Variants in CTNNA3 observed in about 807,000 individuals in gnomAD.
The protein encoded by CTNNA3 is catenin alpha-3.
Under a neutral mutation model 95.7 loss-of-function variants are expected in CTNNA3, and 76 were observed. The ratio of observed to expected loss-of-function variants is 0.79; its 90% confidence interval spans 0.66 to 0.96. The LOEUF (loss-of-function observed/expected upper bound fraction) is 0.96, where lower values mean the gene tolerates loss of function less well. Among genes scored for constraint, CTNNA3 ranks in the 40% least tolerant of loss-of-function variants. The pLI, the probability that CTNNA3 is intolerant of heterozygous loss-of-function variation, is 0.00. For synonymous variants in CTNNA3, 431 were observed against 374.4 expected (o/e 1.15, Z -1.74); for missense variants, 1,191 against 1,089.8 (o/e 1.09, Z -1.31).
chr10:66,227,315 T>C (rs1330588214), intron 13 of CTNNA3, among the ~76,000 whole-genome samples: 2 of 152,146 alleles, frequency 1.3e-5, no homozygotes, highest in East Asian at 3.8e-4. Flanking sequence ...AGCTGTGGTT[T>C]TGTCATATGT....
At chr10:66,955,493 C>T (rs1408399232) in intron 7 of CTNNA3, among the ~76,000 whole-genome samples, 2 of 152,036 alleles carry the variant, frequency 1.3e-5, no homozygotes, top group Non-Finnish European at 2.9e-5. Flanking sequence ...TCTAAGAAGT[C>T]GAGGGAGACA....
Position 67,440,606 on chromosome 10 carries a change from C to A in CTNNA3, c.579+81236G>T, listed in dbSNP as rs1378829521. On this transcript the variant is annotated intron_variant, in intron 5 of 17. Transcript: ENST00000433211. ...GGCCACAGGGGGGATTGTGTTACCC[C>A]ATCCCCAGATGCAGGCAGCTCAGCA... 1.1e-4 allele frequency among the ~76,000 whole-genome samples: 17 copies of A among 152,084 alleles called. 1 individual carries two copies. The highest frequency in any genetic ancestry group is 1.1e-3 in the Admixed American group (17 of 15,272).
At chr10:67,700,054 A>C (rs189822684), upstream of CTNNA3, among the ~76,000 whole-genome samples, 1 of 152,228 alleles carries the variant, frequency 6.6e-6, no homozygotes, top group African/African-American at 2.4e-5. Flanking sequence ...ACTGCAAGGC[A>C]GCAGCGAGGC....
chr10:67,034,539 C>T (rs1853926552), intron 7 of CTNNA3, among the ~76,000 whole-genome samples: 1 of 152,078 alleles, frequency 6.6e-6, no homozygotes, highest in Non-Finnish European at 1.5e-5. Flanking sequence ...AATCTCCTAC[C>T]CTCCATTAAC....
At chr10:67,354,150 G>A (rs937882363) in intron 5 of CTNNA3, among the ~76,000 whole-genome samples, 1 of 151,966 alleles carries the variant, frequency 6.6e-6, no homozygotes, top group Non-Finnish European at 1.5e-5. Context: ...CCTGCTTTAA[G>A]AGCTAGTTAA....
At chr10:66,573,806 A>T (rs1842934782) in intron 10 of CTNNA3, among the ~76,000 whole-genome samples, 1 of 152,148 alleles carries the variant, frequency 6.6e-6, no homozygotes, top group South Asian at 2.1e-4. Flanking sequence ...GCAATGGACA[A>T]CACTATTATT....
In CTNNA3 at chr10:66,702,846, C is replaced by CT. The variant is rs994161333; in HGVS notation, c.1281+63417dup. On this transcript the variant is annotated intron_variant, in intron 9 of 17. Coordinates refer to ENST00000433211, the MANE Select transcript of CTNNA3 (RefSeq NM_013266.4). ...CTTGTGCTGTTATAAATGTACAGTG[C>CT]TGTAGTCCTTCAATAAGCCCGTCAC... Among the ~76,000 whole-genome samples, 21 of 151,582 alleles carry CT rather than the reference C, an allele frequency of 1.4e-4. 1 individual carries two copies. Among genetic ancestry groups the CT allele is most frequent in the Admixed American group, 1.2e-3 (18 of 15,192 alleles).
At chr10:66,982,978 C>T (rs879326244) in intron 7 of CTNNA3, among the ~76,000 whole-genome samples, 2 of 152,094 alleles carry the variant, frequency 1.3e-5, no homozygotes, top group Admixed American at 6.6e-5. Flanking sequence ...AAGGCGCCCT[C>T]GGCTCAGGCA....
intron 7 of CTNNA3, among the ~76,000 whole-genome samples, chr10:67,095,569 C>A (rs921931511): frequency 2.6e-5 from 4 of 151,772 alleles, no homozygotes; most frequent in Non-Finnish European, 4.4e-5. Context: ...TGTGTGCACA[C>A]ACACACACAG....
intron 12 of CTNNA3, among the ~76,000 whole-genome samples, chr10:66,304,693 C>T (rs941210996): frequency 2.6e-5 from 4 of 151,952 alleles, no homozygotes; most frequent in Admixed American, 1.3e-4. Flanking sequence ...GAGTATCCGC[C>T]CACACCACTC....
At chr10:66,003,181 T>G (rs1177836183) in intron 15 of CTNNA3, among the ~76,000 whole-genome samples, 1 of 152,232 alleles carries the variant, frequency 6.6e-6, no homozygotes, top group Non-Finnish European at 1.5e-5. Flanking sequence ...TTCTACTTTG[T>G]GCACAATAAT....
intron 16 of CTNNA3, among the ~76,000 whole-genome samples, chr10:65,969,400 A>G (rs55850253): frequency 0.067 from 10,150 of 152,294 alleles, 368 homozygotes; most frequent in South Asian, 0.1. Flanking sequence ...TCAACATACC[A>G]TACTAGTTCT....
At chr10:66,421,220 A>G (rs1206936591) in intron 11 of CTNNA3, among the ~76,000 whole-genome samples, 1 of 152,186 alleles carries the variant, frequency 6.6e-6, no homozygotes, top group South Asian at 2.1e-4. Flanking sequence ...TGATAATGGT[A>G]GAGAGAAGAA....
intron 7 of CTNNA3, among the ~76,000 whole-genome samples, chr10:66,974,424 T>A (rs1208113760): frequency 6.6e-6 from 1 of 152,210 alleles, no homozygotes; most frequent in East Asian, 1.9e-4. Flanking sequence ...ACATTTAGGT[T>A]GCCTCCAGTT....
intron 9 of CTNNA3, among the ~76,000 whole-genome samples, chr10:66,637,591 T>C (rs2132366186): frequency 6.6e-6 from 1 of 152,348 alleles, no homozygotes; most frequent in South Asian, 2.1e-4. Flanking sequence ...CACAGCATTC[T>C]GGCTTTGCTC....
intron 7 of CTNNA3, among the ~76,000 whole-genome samples, chr10:67,137,508 CTGCTCCTATATA>C (rs1037896362): frequency 3.3e-4 from 50 of 152,256 alleles, no homozygotes; most frequent in African/African-American, 1.1e-3. Context: ...TTGAGAAATT[CTGCTCCTATATA>C]TGCAAGTCAG....
chr10:67,591,757 G>T (rs541154164), intron 3 of CTNNA3, among the ~76,000 whole-genome samples: 29 of 151,850 alleles, frequency 1.9e-4, no homozygotes, highest in Non-Finnish European at 2.9e-4. Context: ...AAGAAGAAAA[G>T]GGATATCTGA....
intron 5 of CTNNA3, among the ~76,000 whole-genome samples, chr10:67,233,689 C>T (rs531994718): frequency 1.2e-3 from 174 of 149,620 alleles, no homozygotes; most frequent in African/African-American, 4.1e-3. Flanking sequence ...AATAGACACA[C>T]AAAAAACCCT....
At chr10:67,649,212 G>A (rs1839807955) in intron 1 of CTNNA3, among the ~76,000 whole-genome samples, 1 of 152,308 alleles carries the variant, frequency 6.6e-6, no homozygotes, top group Admixed American at 6.5e-5. Flanking sequence ...AGAGGAGACT[G>A]TTGTGAACTA....
Sources: allele counts gnomAD v4.1 joint callset (sites outside exome capture counted in the v4.1 genomes callset), GRCh38; gene constraint gnomAD v4.1.1; transcripts MANE v1.5; gene names NCBI Gene and HGNC (gene_info 2026-07-23, HGNC 2026-07-21).